WASHC2A: variants seen among roughly 807,000 people sequenced by gnomAD.
The protein encoded by WASHC2A is WASH complex subunit 2A, also known as WASH complex subunit FAM21A.
In WASHC2A, 82 loss-of-function variants were observed where a neutral mutation model predicts 140.3. The ratio of observed to expected loss-of-function variants is 0.58; its 90% CI spans 0.49 to 0.70. The LOEUF (loss-of-function observed/expected upper bound fraction) is 0.70, where lower values mean the gene tolerates loss of function less well. WASHC2A is among the 30% of genes least tolerant of loss of function. The probability of loss-of-function intolerance (pLI) is 0.00; values close to 1 mark genes in which losing one functional copy is unlikely to be tolerated. For missense variants in WASHC2A, 985 were observed against 1,521.8 expected (o/e 0.65, Z 5.87); for synonymous variants, 340 against 560.8 (o/e 0.61, Z 5.56).
intron 18 of WASHC2A, among the ~76,000 whole-genome samples, chr10:50,104,366 CT>C (rs1203711741): frequency 8.9e-4 from 109 of 122,162 alleles, no homozygotes; most frequent in South Asian, 1.3e-3. Flanking sequence ...TGATGCAGTT[CT>C]TTTTTTTTTT....
At chr10:50,111,844 A>G (rs1326283633) in intron 20 of WASHC2A, among the ~76,000 whole-genome samples, 2 of 152,174 alleles carry the variant, frequency 1.3e-5, no homozygotes, top group Non-Finnish European at 2.9e-5. Flanking sequence ...CCTGACCAAC[A>G]TGGTGAAACC....
chr10:50,102,730 C>G (rs1404794639), intron 17 of WASHC2A, among the ~76,000 whole-genome samples: 2 of 148,750 alleles, frequency 1.3e-5, no homozygotes, highest in Non-Finnish European at 3.0e-5. Context: ...TTGTTCGGCT[C>G]TTGTGTATTG....
At chr10:50,100,773 G>A (rs1299569843) in intron 17 of WASHC2A, among the ~76,000 whole-genome samples, 4 of 152,236 alleles carry the variant, frequency 2.6e-5, no homozygotes, top group African/African-American at 9.6e-5. Flanking sequence ...GTCTTGTCGA[G>A]ACTGAGACCA....
chr10:50,121,180 A>T lies in WASHC2A; in HGVS notation c.2478+1411A>T, dbSNP rs1168932722. Among the ~76,000 whole-genome samples the T allele has an allele frequency of 2.0e-5, 3 of 150,298 alleles. 1 individual carries two copies. Among genetic ancestry groups the T allele is most frequent in the African/African-American group, 5.1e-5 (2 of 39,594 alleles). ...AGAAAATGAAATAAAAGGCATTCAG[A>T]TTGGAAAGGAAAAAGTGAAATGAAG... is the stretch of plus-strand genomic sequence containing the variant. On this transcript the variant is annotated intron_variant, in intron 23 of 30. Transcript: ENST00000282633.
At position 50,068,118 on chromosome 10, in the gene WASHC2A, C is replaced by T. The variant is rs782518608; in HGVS notation, c.17C>T (p.Thr6Ile). Residue 6 changes from threonine to isoleucine, a missense_variant, in exon 2 of 31, where the codon ACC becomes ATC. By Grantham distance (89) the Thr-to-Ile change is moderately conservative. Coordinates refer to ENST00000282633, the MANE Select transcript of WASHC2A (RefSeq NM_001005751.3). MMNRT[T>I]PDQELAPASE... ...TTTTCGCTGCAGATGAACCGGACGA[C>T]CCCCGACCAGGAGCTGGCGCCAGCG... The T allele has an allele frequency of 3.7e-6, 6 of 1,606,566 alleles. No homozygotes were observed. The highest frequency in any genetic ancestry group is 2.7e-5 in the African/African-American group (2 of 73,612).
At chr10:50,120,644 T>G (rs1337819361) in intron 23 of WASHC2A, among the ~76,000 whole-genome samples, 3 of 140,600 alleles carry the variant, frequency 2.1e-5, no homozygotes, top group Admixed American at 2.1e-4. Flanking sequence ...AAAAAATAGA[T>G]GATGGTCATT....
At position 50,069,685 on chromosome 10, in the gene WASHC2A, CTCTCTAATACCCAGT is replaced by C. The variant is rs1554875569; in HGVS notation, c.268_282del (p.Ser90_Phe94del). ...TAATGTCTTCAATGACTTCCTTATG[CTCTCTAATACCCAGT>C]TCATTGAGAATGTGAGTTATTTAGT... On this transcript the variant is annotated inframe_deletion, in exon 3 of 31. Coordinates refer to ENST00000282633, the MANE Select transcript of WASHC2A (RefSeq NM_001005751.3). 8 of 1,613,632 alleles carry C rather than the reference CTCTCTAATACCCAGT, an allele frequency of 5.0e-6. No homozygotes were observed. In the South Asian group the frequency reaches 6.6e-5, roughly 13 times the overall value.
At chr10:50,111,951 C>T (rs1842323545) in intron 20 of WASHC2A, among the ~76,000 whole-genome samples, 1 of 152,222 alleles carries the variant, frequency 6.6e-6, no homozygotes, top group Middle Eastern at 3.4e-3. Flanking sequence ...TTGCTTGAAC[C>T]TGGGAGGCAG....
intron 19 of WASHC2A, among the ~76,000 whole-genome samples, chr10:50,107,328 TAAC>T (rs1225216207): frequency 1.5e-5 from 2 of 135,484 alleles, no homozygotes; most frequent in Non-Finnish European, 3.2e-5. Flanking sequence ...GAGGGAGTCT[TAAC>T]AATATTTCTG....
intron 2 of WASHC2A, 125 bp from the exon 3 acceptor site, chr10:50,069,422 A>G: frequency 7.2e-7 from 1 of 1,381,604 alleles, no homozygotes; most frequent in Non-Finnish European, 9.6e-7. Flanking sequence ...CTCTCAAAAA[A>G]AAAAAAAGCA....
chr10:50,112,919 A>T (rs1216925888), intron 20 of WASHC2A, among the ~76,000 whole-genome samples: 4 of 150,012 alleles, frequency 2.7e-5, no homozygotes, highest in African/African-American at 9.8e-5. Context: ...GTGATGGCTC[A>T]TAGGCATGGC....
At chr10:50,078,442 T>G (rs1554878734) in intron 3 of WASHC2A, among the ~76,000 whole-genome samples, 1 of 152,194 alleles carries the variant, frequency 6.6e-6, no homozygotes, top group African/African-American at 2.4e-5. Context: ...TCATCATGTT[T>G]CCTAGTCATT....
At chr10:50,111,847 G>A (rs1263824454) in intron 20 of WASHC2A, among the ~76,000 whole-genome samples, 1 of 152,134 alleles carries the variant, frequency 6.6e-6, no homozygotes, top group African/African-American at 2.4e-5. Flanking sequence ...GACCAACATG[G>A]TGAAACCCCG....
At chr10:50,069,035 T>G (rs1383138280) in intron 2 of WASHC2A, among the ~76,000 whole-genome samples, 2 of 148,802 alleles carry the variant, frequency 1.3e-5, no homozygotes, top group Non-Finnish European at 3.0e-5. Context: ...GGATTTTAAA[T>G]TTTTCCAGAA....
chr10:50,082,168 A>G (rs1422904822), intron 5 of WASHC2A, among the ~76,000 whole-genome samples: 18,154 of 150,518 alleles, frequency 0.12, 1,283 homozygotes, highest in Middle Eastern at 0.21. Flanking sequence ...CCTTGCAGAG[A>G]AAGTTGTGGA....
intron 3 of WASHC2A, among the ~76,000 whole-genome samples, chr10:50,074,569 G>A (rs2490887): frequency 1.3e-5 from 2 of 151,948 alleles, no homozygotes; most frequent in African/African-American, 4.8e-5. Flanking sequence ...AGCCTCTCAA[G>A]GTTTAGCACA....
At chr10:50,090,502 CA>C (rs1228908369) in intron 8 of WASHC2A, among the ~76,000 whole-genome samples, 159 of 108,564 alleles carry the variant, frequency 1.5e-3, no homozygotes, top group African/African-American at 4.4e-3. Context: ...GACTCCATCT[CA>C]AAAAAAAAAA....
At chr10:50,116,555 C>T (rs1161441583) in intron 21 of WASHC2A, among the ~76,000 whole-genome samples, 22 of 148,820 alleles carry the variant, frequency 1.5e-4, no homozygotes, top group East Asian at 6.0e-4. Flanking sequence ...TCTCATGATC[C>T]GCCCACCTTG....
At chr10:50,072,866 A>G (rs1837988397) in intron 3 of WASHC2A, among the ~76,000 whole-genome samples, 1 of 152,142 alleles carries the variant, frequency 6.6e-6, no homozygotes. Context: ...TTATGGTGCC[A>G]TTTGGTTTCA....
Sources: allele counts gnomAD v4.1 joint callset (sites outside exome capture counted in the v4.1 genomes callset), GRCh38; gene constraint gnomAD v4.1.1; transcripts MANE v1.5; gene names NCBI Gene and HGNC (gene_info 2026-07-23, HGNC 2026-07-21).